NOXA1: variants seen among roughly 807,000 people sequenced by gnomAD.
NOXA1 encodes NCF2-like protein.
A neutral mutation model predicts 64.8 loss-of-function variants in NOXA1; 56 were observed. The ratio of observed to expected loss-of-function variants is 0.86; its 90% CI spans 0.70 to 1.08. The LOEUF (loss-of-function observed/expected upper bound fraction) is 1.08. NOXA1 is among the 50% of genes least tolerant of loss of function. NOXA1 has a pLI of 0.00. For missense variants in NOXA1, 668 were observed against 658.5 expected (o/e 1.01, Z -0.16); for synonymous variants, 295 against 294.8 (o/e 1.00, Z -0.01).
In NOXA1 at chr9:137,431,131, C is replaced by T. The variant is rs371431476; in HGVS notation, c.698+31C>T. On this transcript the variant is annotated intron_variant, in intron 7 of 13. Coordinates refer to ENST00000683555, the MANE Select transcript of NOXA1 (RefSeq NM_001256067.2). This position sits in a 1 kb window ranked among gnomAD's most constrained non-coding sequence, Gnocchi z 5.6. ...AGGGGCTGACTGGGCCCTGCGAGCG[C>T]GTGCCTTTCCTGCTGGGCAGAGGCC... 31 of 1,612,664 alleles carry T rather than the reference C, an allele frequency of 1.9e-5. No homozygotes were observed. Among genetic ancestry groups the T allele is most frequent in the South Asian group, 1.5e-4 (14 of 91,060 alleles).
At chr9:137,429,193 T>C in intron 4 of NOXA1, 83 bp from the exon 5 acceptor site, 1 of 1,352,224 alleles carries the variant, frequency 7.4e-7, no homozygotes, top group Non-Finnish European at 9.9e-7. Flanking sequence ...AGCGGCCCCT[T>C]CTGCTCCAAG....
rs1393670640 is a variant in NOXA1, at chr9:137,430,401, G to GC, written c.613-378dup. Reference sequence around the variant, plus strand: ...TGGCCACGCCCCATTGGCTGGCCACGCCCCCTCGGTCACCTGCGCTGCGCC... The same window carrying GC: ...TGGCCACGCCCCATTGGCTGGCCACGCCCCCCTCGGTCACCTGCGCTGCGCC... On this transcript the variant is annotated intron_variant, in intron 5 of 13. Transcript: ENST00000683555. 2.0e-5 allele frequency among the ~76,000 whole-genome samples: 3 copies of GC among 152,196 alleles called. No homozygotes were observed. The East Asian group carries it at 5.8e-4, about 29-fold the overall frequency.
At position 137,431,268 on chromosome 9, in the gene NOXA1, C is replaced by T. The variant is rs145541843; in HGVS notation, c.731C>T (p.Thr244Ile). Residue 244 changes from threonine (T) to isoleucine (I), a missense_variant, in exon 8 of 14, where the codon ACC becomes ATC. Physicochemically the swap from Thr to Ile is moderately conservative, Grantham distance 89 (BLOSUM62 -1). Transcript: ENST00000683555. This position sits in a 1 kb window ranked among gnomAD's most constrained non-coding sequence, Gnocchi z 5.6. ...ATCATGGACTCCCCAAGAGCTGGCACCCACCAGGGCCCCCTCGATGCAGAG... is the reference window on the plus strand; with the variant it reads ...ATCATGGACTCCCCAAGAGCTGGCATCCACCAGGGCCCCCTCGATGCAGAG... ...SLIMDSPRAGTHQGPLDAETE... is the reference protein window; with the variant it reads ...SLIMDSPRAGIHQGPLDAETE... 2.5e-6 allele frequency: 4 copies of T among 1,612,838 alleles called. No individual in the cohort carries two copies. The African/African-American group carries it at 5.3e-5, about 21-fold the overall frequency.
chr9:137,429,089 TGAA>T (rs1482511087), intron 4 of NOXA1, 73 bp downstream of exon 4: 12 of 1,450,674 alleles, frequency 8.3e-6, no homozygotes, highest in Non-Finnish European at 1.1e-5. Context: ...TTTCATGAGA[TGAA>T]GAAGCTTCCG....
At position 137,431,040 on chromosome 9, in the gene NOXA1, T is replaced by C. The variant is rs1290658673; in HGVS notation, c.673-35T>C. 8 of 1,613,174 alleles carry C rather than the reference T, an allele frequency of 5.0e-6. No individual in the cohort carries two copies. The highest frequency in any genetic ancestry group is 5.1e-6 in the Non-Finnish European group (6 of 1,179,968). On this transcript the variant is annotated intron_variant, in intron 6 of 13. Coordinates refer to ENST00000683555, the MANE Select transcript of NOXA1 (RefSeq NM_001256067.2). This position sits in a 1 kb window ranked among gnomAD's most constrained non-coding sequence, Gnocchi z 5.6. ...GAGGAGGGAGGGCGGCCCCCGACCCTTAACCAGAGCGAGGTTGTTGCTTTG... is the reference window on the plus strand; with the variant it reads ...GAGGAGGGAGGGCGGCCCCCGACCCCTAACCAGAGCGAGGTTGTTGCTTTG...
In NOXA1 at chr9:137,431,191, G is replaced by A; in HGVS notation, c.699-45G>A. 6.2e-7 allele frequency: 1 copy of A among 1,609,616 alleles called. No homozygotes were observed. The highest frequency in any genetic ancestry group is 1.1e-5 in the South Asian group (1 of 90,938). The stretch of plus-strand genomic sequence containing the variant: ...GGGCCACGCGGGCCGGGCACAGGAG[G>A]GCAGTCAGATGGGCAGGGCCTGAGA... On this transcript the variant is annotated intron_variant, in intron 7 of 13. Coordinates refer to ENST00000683555, the MANE Select transcript of NOXA1 (RefSeq NM_001256067.2). This position sits in a 1 kb window ranked among gnomAD's most constrained non-coding sequence, Gnocchi z 5.6.
rs1588456930 is a variant in NOXA1 at position 137,423,406 on chromosome 9, C to G, written c.-124C>G. On this transcript the variant is annotated 5_prime_UTR_variant, in exon 1 of 14. Coordinates refer to ENST00000683555, the MANE Select transcript of NOXA1 (RefSeq NM_001256067.2). ...GCGCCGCGGGGCAGCGGGGTTGCAC[C>G]TGGCGCTTGGCGCCCGCACCTCTGC... 1 of 501,422 alleles carries G rather than the reference C, an allele frequency of 2.0e-6. No homozygotes were observed. The highest frequency in any genetic ancestry group is 5.6e-5 in the East Asian group (1 of 17,770). The allele number at this position is 501,422 out of a possible 1,614,324, so 31.1% of individuals were successfully genotyped here. A position where few individuals can be genotyped will look rare whatever the true frequency, so the allele number is the denominator to read the frequency against.
chr9:137,429,006 A>G lies in NOXA1; in HGVS notation c.494A>G (p.Asp165Gly). ...GSLNGLDSAL[D>G]QVQRRGSLPP... ...CTGAATGGCCTGGACTCAGCCCTGG[A>G]CCAAGTGCAGGTGAGGAGTGCCAGC... Residue 165 changes from aspartate to glycine, a missense_variant, in exon 4 of 14, where the codon GAC (aspartate) becomes GGC (glycine). Physicochemically the swap from Asp to Gly is moderately conservative, Grantham distance 94. Coordinates refer to ENST00000683555, the MANE Select transcript of NOXA1 (RefSeq NM_001256067.2). 6.4e-7 allele frequency: 1 copy of G among 1,571,562 alleles called. No homozygotes were observed. The highest frequency in any genetic ancestry group is 8.6e-7 in the Non-Finnish European group (1 of 1,156,614).
rs750284899 is a variant in NOXA1, at chr9:137,433,279, C to A, written c.909+16C>A. On this transcript the variant is annotated intron_variant, in intron 10 of 13. Coordinates refer to ENST00000683555, the MANE Select transcript of NOXA1 (RefSeq NM_001256067.2). ...GGGTGCTGGGGTAAGAGGCTCTAGA[C>A]CCTTCACCTGTCAGTCACCTGAGGG... The A allele has an allele frequency of 1.3e-6, 2 of 1,555,088 alleles. No individual in the cohort carries two copies. The highest frequency in any genetic ancestry group is 2.8e-5 in the African/African-American group (2 of 72,594).
intron 2 of NOXA1, among the ~76,000 whole-genome samples, chr9:137,427,826 A>G (rs934230434): frequency 1.3e-5 from 2 of 152,210 alleles, no homozygotes; most frequent in Non-Finnish European, 2.9e-5. Context: ...CCCAGCACAC[A>G]GTGACCCCCA....
At chr9:137,433,711 C>T in intron 11 of NOXA1, 39 bp from the exon 12 acceptor site, 2 of 1,476,548 alleles carry the variant, frequency 1.4e-6, no homozygotes, top group South Asian at 1.3e-5. Context: ...TCCCTGCAGG[C>T]CCCACCCAGG....
intron 12 of NOXA1, 45 bp from the exon 13 acceptor site, chr9:137,433,919 TC>T: frequency 6.6e-7 from 1 of 1,507,076 alleles, no homozygotes; most frequent in Non-Finnish European, 8.9e-7. Context: ...TGGAGGCCCC[TC>T]CTCCCAGTGC....
intron 10 of NOXA1, 21 bp from the exon 11 acceptor site, chr9:137,433,432 C>A: frequency 1.3e-6 from 2 of 1,585,332 alleles, no homozygotes; most frequent in Non-Finnish European, 8.6e-7. Context: ...GACCACCCCT[C>A]CCCCTCCTGC....
intron 8 of NOXA1, 84 bp from the exon 9 acceptor site, chr9:137,432,945 A>ACAGGTGTG: frequency 6.7e-7 from 1 of 1,482,286 alleles, no homozygotes; most frequent in Non-Finnish European, 9.3e-7. Flanking sequence ...CACAGGCCAC[A>ACAGGTGTG]CCCTTGGTGT....
At chr9:137,425,736 C>T (rs925534933) in intron 1 of NOXA1, among the ~76,000 whole-genome samples, 3 of 151,920 alleles carry the variant, frequency 2.0e-5, no homozygotes, top group Non-Finnish European at 4.4e-5. Flanking sequence ...TGCGTTATCT[C>T]GTCTCCAGTA....
Position 137,434,131 on chromosome 9 carries a change from G to A in NOXA1, c.1294+52G>A, listed in dbSNP as rs745889617. ...CAGCACCGTGGTGCCCGGGGTGTGG[G>A]GGGCTTAGAGCTCGGCCTGTGCTGT... On this transcript the variant is annotated intron_variant, in intron 13 of 13. Coordinates refer to ENST00000683555, the MANE Select transcript of NOXA1 (RefSeq NM_001256067.2). 2.2e-5 allele frequency: 35 copies of A among 1,582,108 alleles called. No individual in the cohort carries two copies. The African/African-American group carries it at 2.7e-4, about 12-fold the overall frequency.
In NOXA1 at chr9:137,433,753, C is replaced by T. The variant is rs1332760764; in HGVS notation, c.1068C>T (p.Tyr356=). 2 of 1,460,366 alleles carry T rather than the reference C, an allele frequency of 1.4e-6. No individual in the cohort carries two copies. Among genetic ancestry groups the T allele is most frequent in the East Asian group, 2.5e-5 (1 of 40,038 alleles). The allele number at this position is 1,460,366 out of a possible 1,614,324, so 90.5% of individuals were successfully genotyped here. The change falls in exon 12 of 14, where the codon TAC becomes TAT. Residue 356 remains tyrosine, a synonymous_variant. Transcript: ENST00000683555. ...PHQAQLGQLS[Y]LAPGEDGHWV... ...CCTCTGAGGAATCTCTTTGCAGTTA[C>T]CTAGCCCCAGGTGAGGACGGGCACT...
In NOXA1 at chr9:137,434,078, A is replaced by G; in HGVS notation, c.1293A>G (p.Glu431=). 6.3e-7 allele frequency: 1 copy of G among 1,583,622 alleles called. No homozygotes were observed. Among genetic ancestry groups the G allele is most frequent in the East Asian group, 2.3e-5 (1 of 44,174 alleles). Residue 431 remains glutamate, a splice_region_variant and synonymous_variant, in exon 13 of 14, where the codon GAA becomes GAG. Transcript: ENST00000683555. The part of the protein sequence containing the change: ...RQGDTVDVLC[E]VDQAWLEGHC... Reference sequence around the variant, plus strand: ...GGGACACGGTGGACGTCCTGTGTGAAGGTAGGGTGGGCATGGCCCTTCCCA... The same window carrying G: ...GGGACACGGTGGACGTCCTGTGTGAGGGTAGGGTGGGCATGGCCCTTCCCA...
chr9:137,423,526 C>T lies in NOXA1; in HGVS notation c.-4C>T. The stretch of plus-strand genomic sequence containing the variant: ...CCCCTCCTCGAGCGCCGCCACCGGC[C>T]GCCATGGCCTCTCTGGGGGACCTGG... On this transcript the variant is annotated 5_prime_UTR_variant, in exon 1 of 14. Coordinates refer to ENST00000683555, the MANE Select transcript of NOXA1 (RefSeq NM_001256067.2). 2.2e-6 allele frequency: 3 copies of T among 1,369,888 alleles called. No homozygotes were observed. Among genetic ancestry groups the T allele is most frequent in the African/African-American group, 1.5e-5 (1 of 66,608 alleles). 84.9% of individuals were successfully genotyped at this position (1,369,888 alleles called of 1,614,324 possible).
Sources: gnomAD v4.1 joint callset for allele counts (sites outside exome capture counted in the v4.1 genomes callset) on GRCh38, gnomAD v4.1.1 for gene constraint, Gnocchi (gnomAD v3.1) non-coding constraint, MANE v1.5 for transcripts, NCBI Gene and HGNC (gene_info 2026-07-23, HGNC 2026-07-21) for gene names.